Variants in TMX4 observed in about 807,000 individuals in gnomAD.
TMX4 encodes thioredoxin related transmembrane protein 4.
In TMX4, 23 loss-of-function variants were observed where a neutral mutation model predicts 33.3. That is an observed-to-expected ratio of 0.69 (90% CI 0.50 to 0.98). The LOEUF (loss-of-function observed/expected upper bound fraction) is 0.98. TMX4 is among the 50% of genes least tolerant of loss of function. The pLI is 0.00. For synonymous variants in TMX4, 164 were observed against 161.5 expected, an observed-to-expected ratio of 1.02 and a Z score of -0.12; for missense variants, 399 against 448.9, an observed-to-expected ratio of 0.89 and a Z score of 1.01.
At chr20:8,000,236 G>A (rs750805732) in intron 3 of TMX4, among the ~76,000 whole-genome samples, 37 of 151,954 alleles carry the variant, frequency 2.4e-4, no homozygotes, top group Non-Finnish European at 3.7e-4. Context: ...AATTTATGTC[G>A]TTCAAGGCCC....
At chr20:8,012,632 C>T in intron 1 of TMX4, among the ~76,000 whole-genome samples, 1 of 152,172 alleles carries the variant, frequency 6.6e-6, no homozygotes, top group East Asian at 1.9e-4. Context: ...TTCAGATCCT[C>T]TTTATTTCCC....
chr20:7,994,384 T>C (rs2050667480), intron 5 of TMX4, among the ~76,000 whole-genome samples: 2 of 152,160 alleles, frequency 1.3e-5, no homozygotes, highest in Admixed American at 1.3e-4. Context: ...GCACTGTGTG[T>C]ACAAAGATAA....
At position 7,980,762 on chromosome 20, in the gene TMX4, A is replaced by G. The variant is rs982212392; in HGVS notation, c.*1489T>C. On this transcript the variant is annotated 3_prime_UTR_variant, in exon 8 of 8. Transcript: ENST00000246024. ...ACCTCCTTTGTGCAAGTCTTGCAAC[A>G]TCTTCATTCAACCACAGGAGGGCAG... 3.3e-5 allele frequency: 5 copies of G among 152,232 alleles called. No homozygotes were observed. Among genetic ancestry groups the G allele is most frequent in the African/African-American group, 7.2e-5 (3 of 41,460 alleles). 9.4% of individuals were successfully genotyped at this position (152,232 alleles called of 1,614,324 possible).
intron 5 of TMX4, among the ~76,000 whole-genome samples, chr20:7,987,748 T>C (rs1005358224): frequency 2.0e-5 from 3 of 152,156 alleles, no homozygotes; most frequent in Non-Finnish European, 2.9e-5. Context: ...ATTAAACTTT[T>C]TGGGCCTCTG....
intron 5 of TMX4, among the ~76,000 whole-genome samples, chr20:7,991,255 A>G (rs2050653396): frequency 6.6e-6 from 1 of 152,238 alleles, no homozygotes; most frequent in Non-Finnish European, 1.5e-5. Context: ...CGACAGTAAC[A>G]TTTAGGAAAG....
At chr20:8,008,025 ATG>A (rs1446046254) in intron 2 of TMX4, among the ~76,000 whole-genome samples, 1 of 152,228 alleles carries the variant, frequency 6.6e-6, no homozygotes, top group Non-Finnish European at 1.5e-5. Context: ...GGGCCTGTTT[ATG>A]GTAGAAACTC....
At chr20:7,982,710 G>A (rs909539249) in intron 7 of TMX4, 89 bp from the exon 8 acceptor site, 9 of 1,394,688 alleles carry the variant, frequency 6.5e-6, no homozygotes, top group East Asian at 4.6e-5. Flanking sequence ...AATAAAAATA[G>A]AGGGTAAGTG....
At position 7,982,271 on chromosome 20, in the gene TMX4, G is replaced by A; in HGVS notation, c.1030C>T (p.His344Tyr). 1 of 1,613,832 alleles carries A rather than the reference G, an allele frequency of 6.2e-7. No homozygotes were observed. Among genetic ancestry groups the A allele is most frequent in the Non-Finnish European group, 8.5e-7 (1 of 1,179,900 alleles). ...TAAATCTACAGTCCCTTGTCAGCAT[G>A]CTGACTTTTACGCTGCCTCAAGGAG... ...EDSLRQRKSQ[H>Y]ADKGL The change falls in exon 8 of 8, where the codon CAT (histidine) becomes TAT (tyrosine). Residue 344 changes from histidine (H) to tyrosine (Y), a missense_variant. Physicochemically the swap from His to Tyr is moderately conservative, Grantham distance 83 (BLOSUM62 2). Coordinates refer to ENST00000246024, the MANE Select transcript of TMX4 (RefSeq NM_021156.4).
intron 6 of TMX4, among the ~76,000 whole-genome samples, chr20:7,984,502 T>C (rs2050622211): frequency 6.6e-6 from 1 of 152,102 alleles, no homozygotes; most frequent in Non-Finnish European, 1.5e-5. Context: ...TTAAATCAAT[T>C]TGAACAACAA....
intron 5 of TMX4, among the ~76,000 whole-genome samples, chr20:7,989,179 T>A (rs1016699717): frequency 2.0e-5 from 3 of 152,188 alleles, no homozygotes; most frequent in African/African-American, 7.2e-5. Context: ...ATTAAGCTTA[T>A]GCTTTTCTCG....
chr20:7,984,894 T>C (rs967436821), intron 6 of TMX4, among the ~76,000 whole-genome samples: 1 of 152,136 alleles, frequency 6.6e-6, no homozygotes, highest in African/African-American at 2.4e-5. Context: ...AACAGACATG[T>C]CATCCTTCAA....
At chr20:7,985,188 T>C (rs1367055694) in intron 6 of TMX4, among the ~76,000 whole-genome samples, 1 of 151,554 alleles carries the variant, frequency 6.6e-6, no homozygotes, top group Non-Finnish European at 1.5e-5. Context: ...AGTTGTGTGT[T>C]TACTTTAATA....
chr20:8,001,755 G>A (rs1202684041), intron 2 of TMX4, among the ~76,000 whole-genome samples: 1 of 152,086 alleles, frequency 6.6e-6, no homozygotes, highest in Non-Finnish European at 1.5e-5. Flanking sequence ...GGATTGTAAG[G>A]AGGCTGAAAG....
intron 1 of TMX4, chr20:8,019,193 G>A: frequency 2.0e-6 from 1 of 505,442 alleles, no homozygotes; most frequent in South Asian, 2.3e-5. Flanking sequence ...CATGCGCGGC[G>A]CGAGCGGCCG....
At chr20:7,984,442 A>G (rs1323385800) in intron 6 of TMX4, among the ~76,000 whole-genome samples, 1 of 152,168 alleles carries the variant, frequency 6.6e-6, no homozygotes, top group East Asian at 1.9e-4. Context: ...AGGTGGGGCA[A>G]TGAGTTGCAG....
chr20:7,995,853 T>C (rs2050673777), intron 5 of TMX4, among the ~76,000 whole-genome samples, 173 bp downstream of exon 5: 1 of 151,934 alleles, frequency 6.6e-6, no homozygotes, highest in Admixed American at 6.6e-5. Flanking sequence ...GATTATGCCC[T>C]TCTACATGAC....
intron 1 of TMX4, chr20:8,019,206 C>T: frequency 1.9e-6 from 1 of 529,716 alleles, no homozygotes; most frequent in Non-Finnish European, 3.2e-6. Context: ...AGCGGCCGGG[C>T]CCCACAGCCG....
At chr20:8,006,288 C>G (rs2050730230) in intron 2 of TMX4, among the ~76,000 whole-genome samples, 1 of 152,156 alleles carries the variant, frequency 6.6e-6, no homozygotes, top group Non-Finnish European at 1.5e-5. Context: ...GCTTAAAATA[C>G]TTAAAAGAAT....
At chr20:7,990,608 C>G (rs139209244) in intron 5 of TMX4, among the ~76,000 whole-genome samples, 76 of 152,272 alleles carry the variant, frequency 5.0e-4, no homozygotes, top group African/African-American at 1.7e-3. Flanking sequence ...GGATTAAATA[C>G]TACTTAGTCA....
Sources: allele counts gnomAD v4.1 joint callset (sites outside exome capture counted in the v4.1 genomes callset), GRCh38; gene constraint gnomAD v4.1.1; transcripts MANE v1.5; gene names NCBI Gene and HGNC (gene_info 2026-07-23, HGNC 2026-07-21).